ABCC1: variants seen among roughly 807,000 people sequenced by gnomAD.
ABCC1 encodes the protein multidrug resistance-associated protein 1.
Under a neutral mutation model 172.9 loss-of-function variants are expected in ABCC1, and 83 were observed. The observed-to-expected ratio is 0.48, with a 90% CI of 0.40 to 0.58. The LOEUF is 0.58. Among genes scored for constraint, ABCC1 ranks in the 20% least tolerant of loss-of-function variants. The pLI, the probability that ABCC1 is intolerant of heterozygous loss-of-function variation, is 0.00. For synonymous variants in ABCC1, 937 were observed against 825.2 expected, an observed-to-expected ratio of 1.14 and a Z score of -2.32; for missense variants, 1,817 against 2,002.7, an observed-to-expected ratio of 0.91 and a Z score of 1.77.
At chr16:16,071,609 A>G (rs1335898162) in intron 13 of ABCC1, 33 bp from the exon 14 acceptor site, 4 of 1,600,828 alleles carry the variant, frequency 2.5e-6, no homozygotes, top group Non-Finnish European at 3.4e-6. Context: ...GCTTTTTAAA[A>G]ATAACTCTCC....
At chr16:16,138,828 G>A (rs908811732) in intron 30 of ABCC1, among the ~76,000 whole-genome samples, 1 of 150,426 alleles carries the variant, frequency 6.6e-6, no homozygotes, top group Non-Finnish European at 1.5e-5. Context: ...TCCTGCCTCA[G>A]ACTCCCGAAT....
In ABCC1 at chr16:16,121,971, C is replaced by T; in HGVS notation, c.3391-4C>T. 1 of 1,614,180 alleles carries T rather than the reference C, an allele frequency of 6.2e-7. No homozygotes were observed. Among genetic ancestry groups the T allele is most frequent in the South Asian group, 1.1e-5 (1 of 91,074 alleles). ...CAACTCCCCGCGTCTGTTCTCTACC[C>T]CAGAGGTTCTACGTGGCTTCCTCCC... On this transcript the variant is annotated splice_polypyrimidine_tract_variant and splice_region_variant and intron_variant, in intron 23 of 30. Transcript: ENST00000399410.
At chr16:16,034,866 G>A (rs1272286985) in intron 6 of ABCC1, among the ~76,000 whole-genome samples, 3 of 152,006 alleles carry the variant, frequency 2.0e-5, no homozygotes, top group South Asian at 2.1e-4. Context: ...GAGATTACAG[G>A]TGTGAGCCAC....
At chr16:16,115,498 A>G (rs1220914824) in intron 23 of ABCC1, among the ~76,000 whole-genome samples, 5 of 151,988 alleles carry the variant, frequency 3.3e-5, no homozygotes, top group Non-Finnish European at 7.4e-5. Flanking sequence ...GGTGCGCACC[A>G]CCACGGCCGG....
At chr16:15,958,847 C>CG (rs2046064826) in intron 1 of ABCC1, among the ~76,000 whole-genome samples, 1 of 152,104 alleles carries the variant, frequency 6.6e-6, no homozygotes, top group Non-Finnish European at 1.5e-5. Context: ...TGCTCAGTGT[C>CG]GGCCCCGTTG....
At chr16:16,009,039 C>T (rs2047669067) in intron 2 of ABCC1, among the ~76,000 whole-genome samples, 1 of 151,418 alleles carries the variant, frequency 6.6e-6, no homozygotes, top group East Asian at 2.0e-4. Flanking sequence ...CAACCTTGAA[C>T]TCCTGGCTCA....
At chr16:15,957,396 T>G (rs559332945) in intron 1 of ABCC1, among the ~76,000 whole-genome samples, 5 of 152,042 alleles carry the variant, frequency 3.3e-5, no homozygotes, top group Admixed American at 3.3e-4. Flanking sequence ...GAACAGCTTC[T>G]ATTTCATCTT....
chr16:15,968,005 A>T (rs888184089), intron 1 of ABCC1, among the ~76,000 whole-genome samples: 7 of 152,278 alleles, frequency 4.6e-5, no homozygotes, highest in African/African-American at 1.7e-4. Context: ...AAATGAGTGA[A>T]ACATGAAAAT....
chr16:16,035,131 G>A (rs1050597533), intron 6 of ABCC1, among the ~76,000 whole-genome samples: 3 of 152,144 alleles, frequency 2.0e-5, no homozygotes, highest in African/African-American at 7.2e-5. Flanking sequence ...GCTGGGCACG[G>A]TGGCTCATGC....
At chr16:16,035,175 G>A (rs1012826660) in intron 6 of ABCC1, among the ~76,000 whole-genome samples, 10 of 152,134 alleles carry the variant, frequency 6.6e-5, no homozygotes. Context: ...GCCAAGGTGG[G>A]TGGATCACCT....
chr16:16,099,757 G>A (rs1275563249), intron 19 of ABCC1, among the ~76,000 whole-genome samples: 1 of 152,140 alleles, frequency 6.6e-6, no homozygotes, highest in African/African-American at 2.4e-5. Context: ...GCCCACCAAG[G>A]CTGTAGGAAG....
intron 1 of ABCC1, among the ~76,000 whole-genome samples, chr16:15,981,379 C>G (rs1308020500): frequency 1.3e-5 from 2 of 152,226 alleles, no homozygotes; most frequent in Non-Finnish European, 2.9e-5. Flanking sequence ...ACTGCTGCAG[C>G]AAACTTCTGC....
intron 7 of ABCC1, among the ~76,000 whole-genome samples, chr16:16,037,482 TAA>T (rs1567336145): frequency 6.6e-6 from 1 of 151,946 alleles, no homozygotes; most frequent in Admixed American, 6.6e-5. Context: ...TATGTAACAG[TAA>T]GAAAGAAAAG....
intron 19 of ABCC1, among the ~76,000 whole-genome samples, chr16:16,096,534 G>A (rs971787062): frequency 7.2e-5 from 11 of 152,300 alleles, no homozygotes; most frequent in Non-Finnish European, 1.5e-4. Context: ...GTCCTCAGAG[G>A]CCGGATTTCT....
intron 1 of ABCC1, among the ~76,000 whole-genome samples, chr16:15,974,572 A>G (rs1252153367): frequency 1.3e-5 from 2 of 152,296 alleles, no homozygotes; most frequent in Admixed American, 6.5e-5. Flanking sequence ...TAGAGAGACC[A>G]GGCTGTTGAT....
intron 18 of ABCC1, among the ~76,000 whole-genome samples, chr16:16,089,425 G>A (rs2051146139): frequency 6.6e-6 from 1 of 152,054 alleles, no homozygotes; most frequent in Admixed American, 6.6e-5. Flanking sequence ...GCACGTATCT[G>A]TAGTCCCAGC....
chr16:16,125,917 C>T lies in ABCC1; in HGVS notation c.3819+6C>T, dbSNP rs1018740619. ...ATTCAGAGACTGAGAAGGAGGTAGG[C>T]AAGGGCCCCTGGCTGGACCTCTTGG... On this transcript the variant is annotated splice_donor_region_variant and intron_variant, in intron 26 of 30. Transcript: ENST00000399410. 2 of 1,610,920 alleles carry T rather than the reference C, an allele frequency of 1.2e-6. No individual in the cohort carries two copies. Among genetic ancestry groups the T allele is most frequent in the African/African-American group, 2.7e-5 (2 of 74,790 alleles).
Position 16,141,331 on chromosome 16 carries a change from G to C in ABCC1, c.*50G>C. The C allele has an allele frequency of 6.4e-7, 1 of 1,554,664 alleles. No homozygotes were observed. ...AGAACTGCAGGGCCTATATGCCAGC[G>C]CCCAGGGAGGAGTCAGTACCCCTGG... is the stretch of plus-strand genomic sequence containing the variant. On this transcript the variant is annotated 3_prime_UTR_variant, in exon 31 of 31. Coordinates refer to ENST00000399410, the MANE Select transcript of ABCC1 (RefSeq NM_004996.4).
At chr16:16,119,755 G>T (rs990638823) in intron 23 of ABCC1, among the ~76,000 whole-genome samples, 1 of 152,152 alleles carries the variant, frequency 6.6e-6, no homozygotes, top group Non-Finnish European at 1.5e-5. Flanking sequence ...AGTAAGTAAG[G>T]TTCAGAGGCA....
Sources: gnomAD v4.1 joint callset for allele counts (sites outside exome capture counted in the v4.1 genomes callset) on GRCh38, gnomAD v4.1.1 for gene constraint, MANE v1.5 for transcripts, NCBI Gene and HGNC (gene_info 2026-07-23, HGNC 2026-07-21) for gene names.